CAPN1: variants seen among roughly 807,000 people sequenced by gnomAD.
The protein encoded by CAPN1 is calpain-1 catalytic subunit.
A neutral mutation model predicts 105.2 loss-of-function variants in CAPN1; 77 were observed. That is an observed-to-expected ratio of 0.73 (90% CI 0.61 to 0.88). The LOEUF (loss-of-function observed/expected upper bound fraction) is 0.88, where lower values mean the gene tolerates loss of function less well. Ranked by LOEUF, CAPN1 falls within the 40% of genes least tolerant of loss-of-function variation. CAPN1 has a pLI of 0.00. For missense variants in CAPN1, 833 were observed against 976.6 expected (o/e 0.85, Z 1.96); for synonymous variants, 355 against 388.8 (o/e 0.91, Z 1.02).
intron 12 of CAPN1, chr11:65,206,223 T>C: frequency 1.7e-6 from 1 of 587,616 alleles, no homozygotes; most frequent in Non-Finnish European, 3.0e-6. Flanking sequence ...AACACATGCC[T>C]AATCTGCAAT....
chr11:65,193,448 A>C (rs1000681169), intron 10 of CAPN1, among the ~76,000 whole-genome samples: 4 of 151,776 alleles, frequency 2.6e-5, no homozygotes, highest in Admixed American at 6.6e-5. Flanking sequence ...GATCGAGACC[A>C]TCCTGGCCAA....
chr11:65,186,109 A>C (rs1948629231), intron 5 of CAPN1, 59 bp downstream of exon 5: 1 of 1,606,844 alleles, frequency 6.2e-7, no homozygotes, highest in African/African-American at 1.3e-5. Flanking sequence ...GTGGGGGCTC[A>C]TGACTGTCTT....
At chr11:65,192,636 CTTTCT>C (rs1313373009) in intron 10 of CAPN1, among the ~76,000 whole-genome samples, 16 of 93,410 alleles carry the variant, frequency 1.7e-4, no homozygotes, top group Admixed American at 1.3e-3. Flanking sequence ...TTTTCTTTTT[CTTTCT>C]TTTTTTTTTT....
chr11:65,182,048 AC>A (rs559215058), intron 1 of CAPN1, 35 bp downstream of exon 1: 182 of 155,122 alleles, frequency 1.2e-3, no homozygotes, highest in Non-Finnish European at 2.1e-4. Flanking sequence ...GGATTCCTTG[AC>A]CCTGGCCACT....
rs1030865706 is a variant in CAPN1, at chr11:65,206,687, C to G, written c.1565+13C>G. On this transcript the variant is annotated intron_variant, in intron 13 of 21. Transcript: ENST00000279247. Reference sequence around the variant, plus strand: ...GTGCTGGGACTGTGTGAGTCATGGACTGGCCCCTGCCACTCTCCCCTCTCC... The same window carrying G: ...GTGCTGGGACTGTGTGAGTCATGGAGTGGCCCCTGCCACTCTCCCCTCTCC... 1 of 1,611,342 alleles carries G rather than the reference C, an allele frequency of 6.2e-7. No homozygotes were observed. Among genetic ancestry groups the G allele is most frequent in the African/African-American group, 1.3e-5 (1 of 74,904 alleles).
At chr11:65,184,045 C>T (rs1474202899) in intron 4 of CAPN1, among the ~76,000 whole-genome samples, 2 of 152,242 alleles carry the variant, frequency 1.3e-5, no homozygotes, top group East Asian at 3.9e-4. Flanking sequence ...ATTAAGTCTA[C>T]GTAAACCAGC....
Position 65,183,152 on chromosome 11 carries a change from A to G in CAPN1, c.292A>G (p.Ile98Val), listed in dbSNP as rs1383996328. 1.2e-6 allele frequency: 2 copies of G among 1,613,904 alleles called. No individual in the cohort carries two copies. Among genetic ancestry groups the G allele is most frequent in the South Asian group, 1.1e-5 (1 of 91,092 alleles). The change falls in exon 3 of 22, where the codon ATT (isoleucine) becomes GTT (valine). Residue 98 changes from isoleucine (I) to valine (V), a missense_variant. Physicochemically the swap from Ile to Val is conservative, Grantham distance 29 (BLOSUM62 3). Coordinates refer to ENST00000279247, the MANE Select transcript of CAPN1 (RefSeq NM_005186.4). ...GGAACTGCTGTCAAACCCCCAGTTC[A>G]TTGTGGATGGAGCTACCCGCACAGA... The part of the protein sequence containing the change: ...PTELLSNPQF[I>V]VDGATRTDIC...
rs1948660333 is a variant in CAPN1, at chr11:65,187,962, A to G, written c.851A>G (p.Tyr284Cys). 1.3e-6 allele frequency: 2 copies of G among 1,557,756 alleles called. No individual in the cohort carries two copies. Among genetic ancestry groups the G allele is most frequent in the Non-Finnish European group, 1.7e-6 (2 of 1,150,856 alleles). ...YSVTGAKQVN[Y>C]RGQVVSLIRM... ...AGGAGCTCTGGCAAATAGGTGAACT[A>G]CCGAGGCCAGGTGGTGAGCCTGATC... Residue 284 changes from tyrosine to cysteine, a missense_variant, in exon 8 of 22, where the codon TAC (tyrosine) becomes TGC (cysteine). Physicochemically the swap from Tyr to Cys is radical, Grantham distance 194 (BLOSUM62 -2). Transcript: ENST00000279247.
intron 4 of CAPN1, among the ~76,000 whole-genome samples, chr11:65,184,158 C>T (rs964649428): frequency 3.3e-5 from 5 of 152,200 alleles, no homozygotes; most frequent in Non-Finnish European, 5.9e-5. Context: ...GGATGAGACT[C>T]TCCAGCCTTG....
chr11:65,211,647 G>A lies in CAPN1; in HGVS notation c.*361G>A, dbSNP rs1402935069. The A allele has an allele frequency of 1.8e-5, 7 of 388,522 alleles. No homozygotes were observed. Among genetic ancestry groups the A allele is most frequent in the Admixed American group, 1.8e-4 (5 of 28,004 alleles). 24.1% of individuals were successfully genotyped at this position (388,522 alleles called of 1,614,324 possible). On this transcript the variant is annotated 3_prime_UTR_variant, in exon 22 of 22. Transcript: ENST00000279247. The stretch of plus-strand genomic sequence containing the variant: ...CCACCCACTCAGCACCACCGGCCTG[G>A]CCTTGCCTGCAGACTATAAACTATA...
chr11:65,183,255 G>A (rs1416775785), intron 3 of CAPN1, 58 bp downstream of exon 3: 14 of 1,473,764 alleles, frequency 9.5e-6, no homozygotes, highest in Middle Eastern at 1.7e-4. Context: ...CCCCATTCCC[G>A]CTCCTTCAGG....
chr11:65,208,176 G>A lies in CAPN1; in HGVS notation c.1672-29G>A. On this transcript the variant is annotated intron_variant, in intron 15 of 21. Transcript: ENST00000279247. The surrounding 1 kb of genome is among the most constrained non-coding windows in gnomAD (Gnocchi z 4.1). ...CCTGTGAGGGGCAGCCCTCTCCTGG[G>A]GCAGGTGCCACCTCCTCTCTCTCCC... is the stretch of plus-strand genomic sequence containing the variant. 1 of 1,588,674 alleles carries A rather than the reference G, an allele frequency of 6.3e-7. No individual in the cohort carries two copies. The highest frequency in any genetic ancestry group is 1.1e-5 in the South Asian group (1 of 87,330).
intron 10 of CAPN1, among the ~76,000 whole-genome samples, chr11:65,203,855 C>A (rs1412290445): frequency 1.3e-5 from 2 of 151,938 alleles, no homozygotes; most frequent in Non-Finnish European, 2.9e-5. Flanking sequence ...CACATCCTCA[C>A]CCAAGTTGTT....
In CAPN1 at chr11:65,187,315, G is replaced by C; in HGVS notation, c.843+17G>C. 1 of 1,592,278 alleles carries C rather than the reference G, an allele frequency of 6.3e-7. No homozygotes were observed. The highest frequency in any genetic ancestry group is 1.1e-5 in the South Asian group (1 of 89,452). ...GCCAAGCAGGTACTGCCCTGGGTGG[G>C]GCCTTCCCTGAAGGGCGGTTCCTGC... is the stretch of plus-strand genomic sequence containing the variant. On this transcript the variant is annotated intron_variant, in intron 7 of 21. Transcript: ENST00000279247.
chr11:65,203,592 C>A (rs1431041106), intron 10 of CAPN1: 1 of 152,206 alleles, frequency 6.6e-6, no homozygotes, highest in African/African-American at 2.4e-5. Context: ...AACTCCTGAC[C>A]TCAAGTGATC....
chr11:65,204,332 T>C (rs928903527), intron 10 of CAPN1, among the ~76,000 whole-genome samples: 1 of 152,032 alleles, frequency 6.6e-6, no homozygotes, highest in African/African-American at 2.4e-5. Flanking sequence ...ACCTCTGCTC[T>C]GGGGTGCCCT....
intron 10 of CAPN1, among the ~76,000 whole-genome samples, chr11:65,196,662 T>C (rs569325316): frequency 2.6e-5 from 4 of 152,316 alleles, no homozygotes; most frequent in African/African-American, 9.6e-5. Context: ...TTTTAATATA[T>C]GTACATTTTT....
intron 10 of CAPN1, among the ~76,000 whole-genome samples, chr11:65,203,887 A>ATTC (rs1948910138): frequency 6.6e-6 from 1 of 151,888 alleles, no homozygotes; most frequent in Admixed American, 6.6e-5. Context: ...TATTATTATT[A>ATTC]TTATTGTCAA....
chr11:65,189,348 C>T (rs1327959041), intron 10 of CAPN1, among the ~76,000 whole-genome samples: 2 of 152,148 alleles, frequency 1.3e-5, no homozygotes, highest in East Asian at 3.8e-4. Flanking sequence ...GCCACCTTTC[C>T]CTGGGCTTCT....
Sources: gnomAD v4.1 joint callset for allele counts (sites outside exome capture counted in the v4.1 genomes callset) on GRCh38, gnomAD v4.1.1 for gene constraint, Gnocchi (gnomAD v3.1) non-coding constraint, MANE v1.5 for transcripts, NCBI Gene and HGNC (gene_info 2026-07-23, HGNC 2026-07-21) for gene names.